Variants in MPDZ observed in about 807,000 individuals in gnomAD.
MPDZ encodes multiple PDZ domain crumbs cell polarity complex component, also known as multiple PDZ domain protein.
MPDZ carries 234 observed loss-of-function variants against 239.1 expected under a neutral mutation model. That is an observed-to-expected ratio of 0.98 (90% CI 0.88 to 1.09). The LOEUF (loss-of-function observed/expected upper bound fraction) is 1.09. MPDZ is among the 50% of genes least tolerant of loss of function. MPDZ has a pLI of 0.00. For missense variants in MPDZ, 3,175 were observed against 2,510.0 expected (o/e 1.26, Z -5.66); for synonymous variants, 1,048 against 881.3 (o/e 1.19, Z -3.35).
At chr9:13,241,211 A>G (rs1194525532) in intron 3 of MPDZ, among the ~76,000 whole-genome samples, 2 of 152,130 alleles carry the variant, frequency 1.3e-5, no homozygotes, top group African/African-American at 4.8e-5. Flanking sequence ...AAACATAAGA[A>G]CCACTCATTC....
chr9:13,222,354 A>G lies in MPDZ; in HGVS notation c.626T>C (p.Leu209Pro). 1 of 1,613,026 alleles carries G rather than the reference A, an allele frequency of 6.2e-7. No individual in the cohort carries two copies. The highest frequency in any genetic ancestry group is 1.7e-4 in the Middle Eastern group (1 of 6,042). ...CTGGACAGTATCTTTGGCTTTCTGCAGGATGCTGATAGCCTGCTGATGTGT... is the reference window on the plus strand; with the variant it reads ...CTGGACAGTATCTTTGGCTTTCTGCGGGATGCTGATAGCCTGCTGATGTGT... ...TITHQQAISI[L>P]QKAKDTVQLV... The change falls in exon 6 of 47, where the codon CTG (leucine) becomes CCG (proline). Residue 209 changes from leucine (L) to proline (P), a missense_variant. Leu to Pro is a moderately conservative substitution (Grantham distance 98, BLOSUM62 -3). Coordinates refer to ENST00000319217, the MANE Select transcript of MPDZ (RefSeq NM_001378778.1).
intron 26 of MPDZ, among the ~76,000 whole-genome samples, chr9:13,144,310 G>C (rs977479546): frequency 2.0e-5 from 3 of 151,870 alleles, no homozygotes; most frequent in Non-Finnish European, 4.4e-5. Flanking sequence ...TTTCTCAGAG[G>C]TTTTGTGGCT....
At chr9:13,260,460 A>G (rs763849505) in intron 1 of MPDZ, among the ~76,000 whole-genome samples, 3 of 152,140 alleles carry the variant, frequency 2.0e-5, no homozygotes, top group Non-Finnish European at 2.9e-5. Flanking sequence ...TGTTGTGACT[A>G]TTCTAGAAAT....
chr9:13,251,900 C>T (rs778914281), intron 1 of MPDZ, among the ~76,000 whole-genome samples: 1 of 152,282 alleles, frequency 6.6e-6, no homozygotes, highest in East Asian at 1.9e-4. Context: ...TGGCTCTGAC[C>T]TGGAATTGAA....
Position 13,113,980 on chromosome 9 carries a change from A to G in MPDZ, c.5508T>C (p.Ser1836=). The stretch of plus-strand genomic sequence containing the variant: ...CCAGTGACTCAGATGTACTGGATCC[A>G]GAGAGTGGAAAAGTGAAAGATGACA... The part of the protein sequence containing the change: ...GSLSSFTFPL[S]GSSTSESLES... The change falls in exon 41 of 47, where the codon TCT becomes TCC. Residue 1836 remains serine (S), a synonymous_variant. Coordinates refer to ENST00000319217, the MANE Select transcript of MPDZ (RefSeq NM_001378778.1). 3 of 1,599,032 alleles carry G rather than the reference A, an allele frequency of 1.9e-6. No homozygotes were observed. Among genetic ancestry groups the G allele is most frequent in the Admixed American group, 1.7e-5 (1 of 58,106 alleles).
At chr9:13,175,647 C>G in intron 21 of MPDZ, 105 bp downstream of exon 21, 1 of 1,174,444 alleles carries the variant, frequency 8.5e-7, no homozygotes, top group East Asian at 2.6e-5. Flanking sequence ...TTTCTACCAT[C>G]TGTTCTCTTA....
intron 44 of MPDZ, 22 bp from the exon 45 acceptor site, chr9:13,110,086 A>C (rs145821957): frequency 3.4e-5 from 53 of 1,563,686 alleles, no homozygotes; most frequent in Non-Finnish European, 4.2e-5. Context: ...AGGAGGATAA[A>C]CAGAAAAAAC....
intron 21 of MPDZ, among the ~76,000 whole-genome samples, chr9:13,174,524 T>C (rs1952209092): frequency 2.6e-5 from 4 of 152,194 alleles, no homozygotes; most frequent in African/African-American, 9.6e-5. Flanking sequence ...CACTGGAGTA[T>C]AAAAGATATT....
chr9:13,242,171 T>C (rs571652056), intron 3 of MPDZ, among the ~76,000 whole-genome samples: 1 of 149,090 alleles, frequency 6.7e-6, no homozygotes, highest in African/African-American at 2.4e-5. Context: ...ATCTTACTTA[T>C]CAAAATGTCA....
intron 3 of MPDZ, among the ~76,000 whole-genome samples, chr9:13,237,880 T>G (rs1474931729): frequency 6.6e-6 from 1 of 152,136 alleles, no homozygotes; most frequent in East Asian, 1.9e-4. Context: ...GATTTTTCCA[T>G]TTTTCAAATT....
At chr9:13,248,498 C>T (rs1325938637) in intron 2 of MPDZ, among the ~76,000 whole-genome samples, 5 of 151,972 alleles carry the variant, frequency 3.3e-5, no homozygotes, top group African/African-American at 1.2e-4. Flanking sequence ...AGACAGTTTC[C>T]ACCACAAATA....
rs1015077088 is a variant in MPDZ at position 13,136,643 on chromosome 9, A to T, written c.4292+69T>A. 8 of 1,058,876 alleles carry T rather than the reference A, an allele frequency of 7.6e-6. No homozygotes were observed. In the East Asian group the frequency reaches 2.1e-4, roughly 28 times the overall value. The allele number at this position is 1,058,876 out of a possible 1,614,324, so 65.6% of individuals were successfully genotyped here. On this transcript the variant is annotated intron_variant, in intron 30 of 46. Coordinates refer to ENST00000319217, the MANE Select transcript of MPDZ (RefSeq NM_001378778.1). The stretch of plus-strand genomic sequence containing the variant: ...GCCCGGCTACAAATGTTTTCTTTTC[A>T]TTCAAAAGAACTCAGAGAAGAAATG...
rs1449374345 is a variant in MPDZ at position 13,150,451 on chromosome 9, AAAAT to A, written c.3630+56_3630+59del. The stretch of plus-strand genomic sequence containing the variant: ...TAAAGTATAATAATAGTAAAATTAA[AAAAT>A]AAATAAATAAAACAAAACAAACAAA... On this transcript the variant is annotated intron_variant, in intron 25 of 46. Coordinates refer to ENST00000319217, the MANE Select transcript of MPDZ (RefSeq NM_001378778.1). 3.4e-5 allele frequency: 45 copies of A among 1,318,008 alleles called. No individual in the cohort carries two copies. The East Asian group carries it at 1.1e-3, about 32-fold the overall frequency. 81.6% of individuals were successfully genotyped at this position (1,318,008 alleles called of 1,614,324 possible).
At chr9:13,279,250 T>TACCCCCACCCCCCCCCCC (rs1564192161) in intron 1 of MPDZ, 150 bp downstream of exon 1, 1 of 45,844 alleles carries the variant, frequency 2.2e-5, no homozygotes, top group African/African-American at 6.5e-5. Context: ...CCGCCACCCC[T>TACCCCCACCCCCCCCCCC]ACCCCCACCC....
At chr9:13,190,091 T>C (rs762718004) in intron 16 of MPDZ, 23 bp downstream of exon 16, 42 of 1,597,122 alleles carry the variant, frequency 2.6e-5, no homozygotes, top group Non-Finnish European at 2.6e-5. Flanking sequence ...CTTTAAAAAT[T>C]GTTAAAAGTA....
Position 13,259,991 on chromosome 9 carries a change from G to A in MPDZ, c.-57-9619C>T, listed in dbSNP as rs1055524311. 7.9e-5 allele frequency among the ~76,000 whole-genome samples: 12 copies of A among 151,280 alleles called. 1 individual carries two copies. In the South Asian group the frequency reaches 1.0e-3, roughly 13 times the overall value. ...TGAGATTACAGGCACCTGCCACCAC[G>A]CCCGGCTAATTTTTTTTTTTTTGTA... On this transcript the variant is annotated intron_variant, in intron 1 of 46. Transcript: ENST00000319217.
At chr9:13,145,093 G>A (rs1405098423) in intron 26 of MPDZ, among the ~76,000 whole-genome samples, 1 of 151,962 alleles carries the variant, frequency 6.6e-6, no homozygotes, top group Non-Finnish European at 1.5e-5. Context: ...AGATCTCAGA[G>A]GATTAGAATT....
chr9:13,175,689 T>C, intron 21 of MPDZ, 63 bp downstream of exon 21: 2 of 1,500,640 alleles, frequency 1.3e-6, no homozygotes, highest in South Asian at 1.3e-5. Flanking sequence ...ATTTACCATG[T>C]TCAATATTTC....
intron 46 of MPDZ, among the ~76,000 whole-genome samples, 159 bp from the exon 47 acceptor site, chr9:13,107,270 A>C (rs1037234201): frequency 9.2e-5 from 14 of 152,220 alleles, no homozygotes; most frequent in African/African-American, 3.4e-4. Context: ...AATGATGAAC[A>C]TAGACAAAGA....
Sources: gnomAD v4.1 joint callset for allele counts (sites outside exome capture counted in the v4.1 genomes callset) on GRCh38, gnomAD v4.1.1 for gene constraint, MANE v1.5 for transcripts, NCBI Gene and HGNC (gene_info 2026-07-23, HGNC 2026-07-21) for gene names.